The following ATP6V1C2 variants were observed in gnomAD, a reference collection of about 807,000 sequenced individuals.
ATP6V1C2 encodes the protein ATPase H+ transporting V1 subunit C2, also known as V-type proton ATPase subunit C 2.
In ATP6V1C2, 45 loss-of-function variants were observed where a neutral mutation model predicts 56.8. That is an observed-to-expected ratio of 0.79 (90% CI 0.62 to 1.02). The LOEUF (loss-of-function observed/expected upper bound fraction) is 1.02, where lower values mean the gene tolerates loss of function less well. ATP6V1C2 is among the 50% of genes least tolerant of loss of function. The pLI, the probability that ATP6V1C2 is intolerant of heterozygous loss-of-function variation, is 0.00. For synonymous variants in ATP6V1C2, 220 were observed against 201.3 expected (o/e 1.09, Z -0.79); for missense variants, 463 against 519.7 (o/e 0.89, Z 1.06).
chr2:10,779,419 A>T (rs1299196490), intron 12 of ATP6V1C2, among the ~76,000 whole-genome samples: 1 of 48,210 alleles, frequency 2.1e-5, no homozygotes, highest in Admixed American at 1.9e-4. Context: ...TTTGCCTAAT[A>T]AAAAAAAAAA....
chr2:10,757,501 C>T (rs755669543), intron 4 of ATP6V1C2: 15 of 398,506 alleles, frequency 3.8e-5, no homozygotes, highest in African/African-American at 1.4e-4. Flanking sequence ...GCGTGATGCC[C>T]GCATGTCCCG....
At chr2:10,737,418 C>CAA (rs111340144) in intron 3 of ATP6V1C2, among the ~76,000 whole-genome samples, 20 of 116,532 alleles carry the variant, frequency 1.7e-4, no homozygotes, top group African/African-American at 5.2e-4. Context: ...GACTCTGTCT[C>CAA]AAAAAAAAAA....
At chr2:10,739,945 C>CA (rs767560938) in intron 3 of ATP6V1C2, among the ~76,000 whole-genome samples, 2 of 118,646 alleles carry the variant, frequency 1.7e-5, no homozygotes, top group African/African-American at 3.2e-5. Flanking sequence ...ACTAAAAATA[C>CA]AAAAAAATTC....
intron 2 of ATP6V1C2, among the ~76,000 whole-genome samples, chr2:10,725,361 G>A (rs1447888293): frequency 4.0e-5 from 6 of 151,132 alleles, no homozygotes; most frequent in Admixed American, 4.0e-4. Context: ...GTTGCAGTGA[G>A]CCGAGATCTC....
chr2:10,777,347 C>G (rs767007233), intron 10 of ATP6V1C2, among the ~76,000 whole-genome samples: 7 of 152,150 alleles, frequency 4.6e-5, no homozygotes, highest in Admixed American at 2.0e-4. Context: ...TGCCAGAGAT[C>G]GGCTCTGTGC....
At chr2:10,749,084 C>G (rs1265611108) in intron 3 of ATP6V1C2, among the ~76,000 whole-genome samples, 1 of 130,866 alleles carries the variant, frequency 7.6e-6, no homozygotes, top group Non-Finnish European at 1.6e-5. Context: ...GAGCCGAGAT[C>G]ACACCATTGT....
chr2:10,782,753 C>A (rs1401436263), intron 13 of ATP6V1C2, among the ~76,000 whole-genome samples: 3 of 141,412 alleles, frequency 2.1e-5, no homozygotes, highest in Non-Finnish European at 4.5e-5. Flanking sequence ...ATCGCTTGAA[C>A]CTGGGAGGCG....
intron 8 of ATP6V1C2, among the ~76,000 whole-genome samples, chr2:10,774,510 G>T (rs1263437201): frequency 6.6e-6 from 1 of 152,232 alleles, no homozygotes; most frequent in Middle Eastern, 3.2e-3. Flanking sequence ...GGAGGGCTTG[G>T]TCTCTCAGGA....
chr2:10,773,188 G>A (rs1041027694), intron 8 of ATP6V1C2, among the ~76,000 whole-genome samples: 5 of 152,190 alleles, frequency 3.3e-5, no homozygotes, highest in African/African-American at 4.8e-5. Context: ...AGGAGCAGAG[G>A]GTCTGAAATG....
At chr2:10,781,392 C>T (rs1031527691) in intron 12 of ATP6V1C2, among the ~76,000 whole-genome samples, 7 of 151,978 alleles carry the variant, frequency 4.6e-5, no homozygotes, top group South Asian at 4.1e-4. Context: ...GCAGGAGAAT[C>T]GGTTGAACCC....
rs1359221347 is a variant in ATP6V1C2, at chr2:10,772,693, C to T, written c.638+83C>T. On this transcript the variant is annotated intron_variant, in intron 8 of 13. Coordinates refer to ENST00000272238, the MANE Select transcript of ATP6V1C2 (RefSeq NM_001039362.2). ...GGGCACCCAACCACCAAACATGCCC[C>T]GAGGGTGTGAGGCTCCCCAGCTTTC... 41 of 1,257,828 alleles carry T rather than the reference C, an allele frequency of 3.3e-5. No individual in the cohort carries two copies. In the East Asian group the frequency reaches 3.7e-4, roughly 11 times the overall value. The allele number at this position is 1,257,828 out of a possible 1,614,324, so 77.9% of individuals were successfully genotyped here.
At chr2:10,732,805 T>G (rs1407852693) in intron 3 of ATP6V1C2, among the ~76,000 whole-genome samples, 1 of 151,754 alleles carries the variant, frequency 6.6e-6, no homozygotes, top group African/African-American at 2.4e-5. Flanking sequence ...ACCCCATCTC[T>G]ACTAAAAATA....
intron 3 of ATP6V1C2, among the ~76,000 whole-genome samples, chr2:10,739,461 G>A (rs1662430181): frequency 6.6e-6 from 1 of 151,740 alleles, no homozygotes; most frequent in African/African-American, 2.4e-5. Flanking sequence ...TGACTAGCTG[G>A]TCAGGCCCCA....
At chr2:10,761,890 A>T (rs1029832723) in intron 4 of ATP6V1C2, among the ~76,000 whole-genome samples, 1 of 152,030 alleles carries the variant, frequency 6.6e-6, no homozygotes, top group African/African-American at 2.4e-5. Context: ...TCTCCCAAGG[A>T]CTTCTTCCGA....
intron 3 of ATP6V1C2, among the ~76,000 whole-genome samples, chr2:10,746,303 G>A (rs1365016299): frequency 1.3e-5 from 2 of 151,786 alleles, no homozygotes; most frequent in Non-Finnish European, 2.9e-5. Flanking sequence ...CCCAGCCTTG[G>A]CTATTGTTAA....
rs1037233906 is a variant in ATP6V1C2, at chr2:10,778,733, C to T, written c.1061+64C>T. 13 of 1,492,256 alleles carry T rather than the reference C, an allele frequency of 8.7e-6. No homozygotes were observed. In the Admixed American group the frequency reaches 1.0e-4, roughly 12 times the overall value. 92.4% of individuals were successfully genotyped at this position (1,492,256 alleles called of 1,614,324 possible). A position where few individuals can be genotyped will look rare whatever the true frequency, so the allele number is the denominator to read the frequency against. The stretch of plus-strand genomic sequence containing the variant: ...GATGGGCAGGGTCTGGGGGAGCTAT[C>T]GGGGCACCCCAGCTCCTGCCTTCTC... On this transcript the variant is annotated intron_variant, in intron 12 of 13. Transcript: ENST00000272238.
chr2:10,761,003 C>T (rs1452705163), intron 4 of ATP6V1C2, among the ~76,000 whole-genome samples: 1 of 152,168 alleles, frequency 6.6e-6, no homozygotes, highest in Non-Finnish European at 1.5e-5. Context: ...GCGACAGGCT[C>T]TGGGAACACA....
chr2:10,776,737 A>C (rs1261027212), intron 10 of ATP6V1C2, among the ~76,000 whole-genome samples: 2 of 152,128 alleles, frequency 1.3e-5, no homozygotes. Flanking sequence ...TTTGGCACCC[A>C]CCTGGGCACT....
intron 7 of ATP6V1C2, among the ~76,000 whole-genome samples, chr2:10,772,333 A>G (rs1664671865): frequency 6.6e-6 from 1 of 152,092 alleles, no homozygotes; most frequent in Admixed American, 6.6e-5. Flanking sequence ...ATAGCTCTTC[A>G]CAAAGGGACT....
Sources: allele counts gnomAD v4.1 joint callset (sites outside exome capture counted in the v4.1 genomes callset), GRCh38; gene constraint gnomAD v4.1.1; transcripts MANE v1.5; gene names NCBI Gene and HGNC (gene_info 2026-07-23, HGNC 2026-07-21).